The following NUAK1 variants were observed in gnomAD, a reference collection of about 807,000 sequenced individuals.
NUAK1 encodes the protein NUAK family kinase 1.
NUAK1 carries 26 observed loss-of-function variants against 56.9 expected under a neutral mutation model. The observed-to-expected ratio is 0.46, with a 90% confidence interval of 0.33 to 0.63. NUAK1 has a LOEUF of 0.63. Ranked by LOEUF, NUAK1 falls within the 30% of genes least tolerant of loss-of-function variation. The pLI is 0.02. For synonymous variants in NUAK1, 337 were observed against 336.0 expected (o/e 1.00, Z -0.03); for missense variants, 727 against 876.1 (o/e 0.83, Z 2.15).
chr12:106,078,967 G>C lies in NUAK1; in HGVS notation c.579+4897C>G, dbSNP rs1287031151. ...ACAAGGTAAGGCTGACCAAAGCATG[G>C]ACCAAACAGTGCCCTCATTTGATGT... is the stretch of plus-strand genomic sequence containing the variant. On this transcript the variant is annotated intron_variant, in intron 4 of 6. Transcript: ENST00000261402. Among the ~76,000 whole-genome samples the C allele has an allele frequency of 2.0e-5, 3 of 152,310 alleles. No homozygotes were observed. The East Asian group carries it at 5.8e-4, about 29-fold the overall frequency.
chr12:106,083,252 G>A (rs184032103), intron 4 of NUAK1, among the ~76,000 whole-genome samples: 1 of 152,286 alleles, frequency 6.6e-6, no homozygotes, highest in African/African-American at 2.4e-5. Flanking sequence ...AGACAGGGTG[G>A]AGAGTGACAA....
intron 2 of NUAK1, among the ~76,000 whole-genome samples, chr12:106,092,244 C>T (rs569893697): frequency 6.6e-6 from 1 of 151,924 alleles, no homozygotes; most frequent in African/African-American, 2.4e-5. Flanking sequence ...CATAGCCGGG[C>T]GTGGTGGCTC....
chr12:106,106,631 G>A, intron 1 of NUAK1, 106 bp from the exon 2 acceptor site: 9 of 1,134,272 alleles, frequency 7.9e-6, no homozygotes, highest in Middle Eastern at 3.1e-4. Context: ...TGGCAGAACT[G>A]ACAATAACCA....
chr12:106,093,431 C>T (rs1044167088), intron 2 of NUAK1, among the ~76,000 whole-genome samples: 3 of 152,198 alleles, frequency 2.0e-5, no homozygotes, highest in Admixed American at 6.5e-5. Context: ...ATCAGATGTT[C>T]GGTTTGACAG....
At position 106,138,398 on chromosome 12, in the gene NUAK1, G is replaced by GGATT; in HGVS notation, c.240+12_240+15dup. ...CACCCAGCGCCCCCCGCACCCTCCAGGATTGCCCCACTCACCACTCGGCCA... is the reference window on the plus strand; with the variant it reads ...CACCCAGCGCCCCCCGCACCCTCCAGGATTGATTGCCCCACTCACCACTCGGCCA... On this transcript the variant is annotated intron_variant, in intron 1 of 6. Transcript: ENST00000261402. This position sits in a 1 kb window ranked among gnomAD's most constrained non-coding sequence, Gnocchi z 5.0. 1 of 1,598,566 alleles carries GGATT rather than the reference G, an allele frequency of 6.3e-7. No homozygotes were observed. Among genetic ancestry groups the GGATT allele is most frequent in the Non-Finnish European group, 8.5e-7 (1 of 1,174,302 alleles).
chr12:106,091,222 C>G (rs185918477), intron 2 of NUAK1, among the ~76,000 whole-genome samples: 5 of 152,308 alleles, frequency 3.3e-5, no homozygotes, highest in South Asian at 2.1e-4. Flanking sequence ...AAAATGAAAG[C>G]CTGTGTCTCT....
intron 1 of NUAK1, among the ~76,000 whole-genome samples, chr12:106,107,350 A>G (rs2136472379): frequency 6.6e-6 from 1 of 152,296 alleles, no homozygotes; most frequent in South Asian, 2.1e-4. Context: ...CAATGGATTC[A>G]TCTTTGCTCA....
chr12:106,114,000 G>C (rs2032892272), intron 1 of NUAK1, among the ~76,000 whole-genome samples: 1 of 152,182 alleles, frequency 6.6e-6, no homozygotes, highest in South Asian at 2.1e-4. Context: ...GCTGAGACTG[G>C]AGTTGCCAAG....
Position 106,077,347 on chromosome 12 carries a change from G to A in NUAK1, c.580-4504C>T, listed in dbSNP as rs143531887. Among the ~76,000 whole-genome samples the A allele has an allele frequency of 3.5e-3, 538 of 152,290 alleles. 2 individuals are homozygous for A. The highest frequency in any genetic ancestry group is 0.012 in the African/African-American group (511 of 41,548). On this transcript the variant is annotated intron_variant, in intron 4 of 6. Transcript: ENST00000261402. ...CATAGGTAAGAAGAGTAGAGAATAC[G>A]CATGTAAAGCTCCTGGAATAGTCCT...
intron 6 of NUAK1, among the ~76,000 whole-genome samples, chr12:106,068,418 C>A (rs1051096831): frequency 2.0e-5 from 3 of 152,210 alleles, no homozygotes; most frequent in Non-Finnish European, 2.9e-5. Flanking sequence ...CACCTGCAGT[C>A]ACTGGGAAAG....
Position 106,138,437 on chromosome 12 carries a change from T to C in NUAK1, c.217A>G (p.Thr73Ala), listed in dbSNP as rs2136488849. The part of the protein sequence containing the change: ...KGTYGKVKRA[T>A]ERFSGRVVAI... Reference sequence around the variant, plus strand: ...ACCACTCGGCCAGAAAACCTCTCGGTGGCCCGCTTGACTTTGCCGTAGGTG... The same window carrying C: ...ACCACTCGGCCAGAAAACCTCTCGGCGGCCCGCTTGACTTTGCCGTAGGTG... Residue 73 changes from threonine (T) to alanine (A), a missense_variant, in exon 1 of 7, where the codon ACC becomes GCC. Physicochemically the swap from Thr to Ala is moderately conservative, Grantham distance 58. Coordinates refer to ENST00000261402, the MANE Select transcript of NUAK1 (RefSeq NM_014840.3). This position sits in a 1 kb window ranked among gnomAD's most constrained non-coding sequence, Gnocchi z 5.0. 2 of 1,611,622 alleles carry C rather than the reference T, an allele frequency of 1.2e-6. No individual in the cohort carries two copies. The highest frequency in any genetic ancestry group is 2.7e-5 in the African/African-American group (2 of 74,922).
rs2032343960 is a variant in NUAK1 at position 106,066,808 on chromosome 12, G to T, written c.1980C>A (p.Leu660=). The part of the protein sequence containing the change: ...YKQALEICSK[L]N ...CCCTGGGCGCCCTGGAATGCTAGTT[G>T]AGCTTGCTGCAGATCTCCAGCGCTT... is the stretch of plus-strand genomic sequence containing the variant. The change falls in exon 7 of 7, where the codon CTC becomes CTA. Residue 660 remains leucine (L), a synonymous_variant. Coordinates refer to ENST00000261402, the MANE Select transcript of NUAK1 (RefSeq NM_014840.3). 6.2e-7 allele frequency: 1 copy of T among 1,606,116 alleles called. No homozygotes were observed. The highest frequency in any genetic ancestry group is 1.3e-5 in the African/African-American group (1 of 74,760).
intron 2 of NUAK1, 23 bp downstream of exon 2, chr12:106,106,382 T>G (rs2374587): frequency 4.9e-6 from 4 of 808,728 alleles, no homozygotes; most frequent in Non-Finnish European, 6.3e-6. Flanking sequence ...ATATGGGGGT[T>G]AAAAAAAAAA....
chr12:106,082,919 T>C (rs2032532325), intron 4 of NUAK1, among the ~76,000 whole-genome samples: 1 of 152,304 alleles, frequency 6.6e-6, no homozygotes, highest in Admixed American at 6.5e-5. Flanking sequence ...CAGCGGCCAA[T>C]TGGAGGGCTC....
At chr12:106,072,965 G>T in intron 4 of NUAK1, 122 bp from the exon 5 acceptor site, 1 of 1,101,038 alleles carries the variant, frequency 9.1e-7, no homozygotes, top group Non-Finnish European at 1.3e-6. Context: ...TCTGCTGGCT[G>T]GATCGCCATT....
chr12:106,109,555 GA>G (rs5800702), intron 1 of NUAK1, among the ~76,000 whole-genome samples: 51,889 of 123,434 alleles, frequency 0.42, 9,062 homozygotes, highest in African/African-American at 0.45. Flanking sequence ...GGTTGTTAAG[GA>G]AAAAAAAAAA....
chr12:106,070,933 G>A (rs1254446404), intron 5 of NUAK1, 27 bp from the exon 6 acceptor site: 2 of 1,613,372 alleles, frequency 1.2e-6, no homozygotes, highest in Admixed American at 1.7e-5. Context: ...GCACATATAG[G>A]AGAGCTGGGA....
intron 1 of NUAK1, among the ~76,000 whole-genome samples, chr12:106,111,006 G>A (rs1471841117): frequency 6.6e-6 from 1 of 152,170 alleles, no homozygotes; most frequent in Non-Finnish European, 1.5e-5. Flanking sequence ...GGTGTTCAGA[G>A]CTTGGTGACC....
intron 2 of NUAK1, among the ~76,000 whole-genome samples, chr12:106,093,110 C>T (rs1314856156): frequency 6.6e-6 from 1 of 152,114 alleles, no homozygotes; most frequent in Non-Finnish European, 1.5e-5. Flanking sequence ...ACTTTAAGTA[C>T]CTGGACAATC....
Sources: allele counts gnomAD v4.1 joint callset (sites outside exome capture counted in the v4.1 genomes callset), GRCh38; gene constraint gnomAD v4.1.1; non-coding constraint Gnocchi (gnomAD v3.1); transcripts MANE v1.5; gene names NCBI Gene and HGNC (gene_info 2026-07-23, HGNC 2026-07-21).